Variants in CSMD1 observed in about 807,000 individuals in gnomAD.
The protein encoded by CSMD1 is CUB and sushi domain-containing protein 1.
In CSMD1, 213 loss-of-function variants were observed where a neutral mutation model predicts 417.5. The observed-to-expected ratio is 0.51, with a 90% CI of 0.46 to 0.57. The LOEUF is 0.57. Ranked by LOEUF, CSMD1 falls within the 20% of genes least tolerant of loss-of-function variation. CSMD1 has a pLI of 0.00. For synonymous variants in CSMD1, 2,862 were observed against 1,736.8 expected, an observed-to-expected ratio of 1.65 and a Z score of -16.11; for missense variants, 6,923 against 4,529.7, an observed-to-expected ratio of 1.53 and a Z score of -15.17.
chr8:4,353,596 C>G (rs893702389), intron 3 of CSMD1, among the ~76,000 whole-genome samples: 1 of 151,934 alleles, frequency 6.6e-6, no homozygotes, highest in Non-Finnish European at 1.5e-5. Flanking sequence ...TCCTGAAGCA[C>G]ATGCATAAGG....
At chr8:3,172,291 C>T (rs1820625893) in intron 37 of CSMD1, among the ~76,000 whole-genome samples, 1 of 152,114 alleles carries the variant, frequency 6.6e-6, no homozygotes, top group Non-Finnish European at 1.5e-5. Context: ...TTCTTTTCCA[C>T]CTGGGGTCTC....
chr8:4,522,663 G>A lies in CSMD1; in HGVS notation c.303-102598C>T, dbSNP rs114444211. Among the ~76,000 whole-genome samples the A allele has an allele frequency of 7.7e-3, 1,165 of 152,112 alleles. 15 individuals are homozygous for A. Among genetic ancestry groups the A allele is most frequent in the African/African-American group, 0.026 (1,084 of 41,484 alleles). ...TAGGTTCGGATTTTCTTCTCTGTCCGCAGCCCGTCTTGCTGTGTGATCTGT... is the reference window on the plus strand; with the variant it reads ...TAGGTTCGGATTTTCTTCTCTGTCCACAGCCCGTCTTGCTGTGTGATCTGT... On this transcript the variant is annotated intron_variant, in intron 2 of 69. Coordinates refer to ENST00000635120, the MANE Select transcript of CSMD1 (RefSeq NM_033225.6).
chr8:4,283,745 T>G (rs1022777928), intron 3 of CSMD1, among the ~76,000 whole-genome samples: 5 of 150,846 alleles, frequency 3.3e-5, no homozygotes, highest in African/African-American at 1.2e-4. Flanking sequence ...TGCATGAGTG[T>G]TTTATCATAT....
At chr8:3,926,555 T>C (rs1173272602) in intron 5 of CSMD1, among the ~76,000 whole-genome samples, 1 of 152,074 alleles carries the variant, frequency 6.6e-6, no homozygotes, top group East Asian at 1.9e-4. Flanking sequence ...TTTTTTGATT[T>C]AATTTTTGAT....
At chr8:3,272,492 A>T (rs1429619970) in intron 26 of CSMD1, among the ~76,000 whole-genome samples, 1 of 148,050 alleles carries the variant, frequency 6.8e-6, no homozygotes, top group Non-Finnish European at 1.5e-5. Context: ...CTTGAAGGGG[A>T]TGGCATTGAA....
At chr8:4,117,544 T>G (rs371537597) in intron 3 of CSMD1, among the ~76,000 whole-genome samples, 118 of 152,342 alleles carry the variant, frequency 7.7e-4, no homozygotes, top group African/African-American at 2.7e-3. Flanking sequence ...TAATACTCAC[T>G]GATTGTGACA....
chr8:4,110,397 G>C (rs781202918), intron 3 of CSMD1, among the ~76,000 whole-genome samples: 5 of 152,176 alleles, frequency 3.3e-5, no homozygotes, highest in East Asian at 3.9e-4. Flanking sequence ...CCAGCAGAAA[G>C]AGTCAAAAAT....
At chr8:3,511,383 A>G (rs1055706167) in intron 10 of CSMD1, among the ~76,000 whole-genome samples, 3 of 151,906 alleles carry the variant, frequency 2.0e-5, no homozygotes, top group Admixed American at 6.5e-5. Flanking sequence ...GTATTAAAAA[A>G]AAAAATTCCT....
chr8:4,337,491 C>A (rs1045636264), intron 3 of CSMD1, among the ~76,000 whole-genome samples: 1 of 152,020 alleles, frequency 6.6e-6, no homozygotes, highest in Non-Finnish European at 1.5e-5. Context: ...TTTGCTTTTT[C>A]TTATATTCTA....
At position 3,497,933 on chromosome 8, in the gene CSMD1, C is replaced by T. The variant is rs144932685; in HGVS notation, c.1345-4207G>A. Reference sequence around the variant, plus strand: ...TGTCTTCACAATGGTGGTTATCACCCTTTCACTTTCAGATGAAGGGCTCCC... The same window carrying T: ...TGTCTTCACAATGGTGGTTATCACCTTTTCACTTTCAGATGAAGGGCTCCC... On this transcript the variant is annotated intron_variant, in intron 10 of 69. Coordinates refer to ENST00000635120, the MANE Select transcript of CSMD1 (RefSeq NM_033225.6). Among the ~76,000 whole-genome samples, 47 of 152,304 alleles carry T rather than the reference C, an allele frequency of 3.1e-4. No individual in the cohort carries two copies. In the East Asian group the frequency reaches 5.0e-3, roughly 16 times the overall value.
At position 3,730,131 on chromosome 8, in the gene CSMD1, C is replaced by A. The variant is rs542575786; in HGVS notation, c.932-21640G>T. 7.9e-5 allele frequency among the ~76,000 whole-genome samples: 12 copies of A among 152,128 alleles called. No individual in the cohort carries two copies. The South Asian group carries it at 1.0e-3, about 13-fold the overall frequency. On this transcript the variant is annotated intron_variant, in intron 6 of 69. Coordinates refer to ENST00000635120, the MANE Select transcript of CSMD1 (RefSeq NM_033225.6). ...CAAAAGTAAACTACTTACAAGGAGA[C>A]AATGTGATCATCCTGAAGGCTTCAA...
intron 5 of CSMD1, among the ~76,000 whole-genome samples, chr8:3,764,739 CTTTTTTTTTT>C (rs66603480): frequency 7.7e-6 from 1 of 129,788 alleles, no homozygotes; most frequent in African/African-American, 2.9e-5. Flanking sequence ...TTTTCTCTTT[CTTTTTTTTTT>C]TTTTTTTTTT....
intron 5 of CSMD1, among the ~76,000 whole-genome samples, chr8:3,852,743 G>C (rs1004925238): frequency 1.3e-5 from 2 of 152,008 alleles, no homozygotes; most frequent in African/African-American, 4.8e-5. Flanking sequence ...GTAAGCGTCT[G>C]CATCTCCCGC....
chr8:4,864,669 C>T (rs1009826544), intron 1 of CSMD1, among the ~76,000 whole-genome samples: 7 of 151,540 alleles, frequency 4.6e-5, no homozygotes, highest in African/African-American at 1.7e-4. Flanking sequence ...ATTAATAGTT[C>T]TACTAACCTG....
intron 3 of CSMD1, among the ~76,000 whole-genome samples, chr8:4,211,571 T>G (rs140305021): frequency 1.3e-5 from 2 of 152,304 alleles, no homozygotes; most frequent in Non-Finnish European, 2.9e-5. Flanking sequence ...TCAAATTAGA[T>G]AGAAGTTTTG....
chr8:3,208,816 G>C (rs954934584), intron 30 of CSMD1, among the ~76,000 whole-genome samples: 21 of 152,112 alleles, frequency 1.4e-4, no homozygotes, highest in African/African-American at 4.8e-4. Flanking sequence ...TCTTTCTCCT[G>C]TGCTGGATGC....
At chr8:3,898,653 T>A (rs901842258) in intron 5 of CSMD1, among the ~76,000 whole-genome samples, 1 of 152,186 alleles carries the variant, frequency 6.6e-6, no homozygotes, top group African/African-American at 2.4e-5. Flanking sequence ...TGAATCCACA[T>A]GCAGACCTGG....
intron 3 of CSMD1, among the ~76,000 whole-genome samples, chr8:4,112,766 G>A (rs142527375): frequency 2.0e-5 from 3 of 152,154 alleles, no homozygotes; most frequent in Admixed American, 1.3e-4. Context: ...AAATGCTCCA[G>A]CTTATGGCTC....
chr8:3,004,087 T>TC (rs529795598), intron 52 of CSMD1, among the ~76,000 whole-genome samples: 4 of 151,094 alleles, frequency 2.6e-5, no homozygotes, highest in Non-Finnish European at 5.9e-5. Flanking sequence ...TTCACTGAAT[T>TC]TTTTTTTTAA....
Sources: allele counts gnomAD v4.1 joint callset (sites outside exome capture counted in the v4.1 genomes callset), GRCh38; gene constraint gnomAD v4.1.1; transcripts MANE v1.5; gene names NCBI Gene and HGNC (gene_info 2026-07-23, HGNC 2026-07-21).